TANGO6: variants seen among roughly 807,000 people sequenced by gnomAD.
TANGO6 encodes the protein transport and Golgi organization protein 6 homolog.
A neutral mutation model predicts 114.2 loss-of-function variants in TANGO6; 90 were observed. That is an observed-to-expected ratio of 0.79 (90% CI 0.66 to 0.94). The LOEUF (loss-of-function observed/expected upper bound fraction) is 0.94. Ranked by LOEUF, TANGO6 falls within the 40% of genes least tolerant of loss-of-function variation. TANGO6 has a pLI of 0.00. For synonymous variants in TANGO6, 477 were observed against 509.8 expected, an observed-to-expected ratio of 0.94 and a Z score of 0.87; for missense variants, 1,274 against 1,315.3, an observed-to-expected ratio of 0.97 and a Z score of 0.49.
intron 11 of TANGO6, among the ~76,000 whole-genome samples, chr16:68,912,906 T>A: frequency 1.6e-5 from 2 of 125,012 alleles, no homozygotes; most frequent in African/African-American, 3.2e-5. Context: ...CAAGACCCCA[T>A]CTCTCAAAAA....
At chr16:68,966,478 T>C (rs1259392784) in intron 14 of TANGO6, among the ~76,000 whole-genome samples, 1 of 151,756 alleles carries the variant, frequency 6.6e-6, no homozygotes, top group Non-Finnish European at 1.5e-5. Context: ...CACGCCAGCC[T>C]GGGCAACAAT....
Position 68,963,397 on chromosome 16 carries a change from G to T in TANGO6, c.2702-10631G>T, listed in dbSNP as rs190934076. Among the ~76,000 whole-genome samples the T allele has an allele frequency of 4.0e-3, 603 of 152,292 alleles. 4 individuals carry two copies. Among genetic ancestry groups the T allele is most frequent in the African/African-American group, 0.013 (540 of 41,574 alleles). On this transcript the variant is annotated intron_variant, in intron 14 of 17. Coordinates refer to ENST00000261778, the MANE Select transcript of TANGO6 (RefSeq NM_024562.2). ...CTCCCAAAGTGCTGGGATTACAGGTGTGAACCACCATGCCCAGCCCCTTGC... is the reference window on the plus strand; with the variant it reads ...CTCCCAAAGTGCTGGGATTACAGGTTTGAACCACCATGCCCAGCCCCTTGC...
At chr16:69,009,072 C>CTTTTTT (rs869092742) in intron 15 of TANGO6, among the ~76,000 whole-genome samples, 7 of 77,678 alleles carry the variant, frequency 9.0e-5, no homozygotes, top group Non-Finnish European at 1.3e-4. Context: ...GAGTTTATTT[C>CTTTTTT]TTTTTTTTTT....
At chr16:68,986,164 A>T (rs998687330) in intron 15 of TANGO6, among the ~76,000 whole-genome samples, 1 of 152,252 alleles carries the variant, frequency 6.6e-6, no homozygotes, top group Admixed American at 6.5e-5. Context: ...GACAAGTTCC[A>T]GTTTACTCTA....
At chr16:69,076,927 G>A (rs553003552) in intron 17 of TANGO6, among the ~76,000 whole-genome samples, 1 of 152,238 alleles carries the variant, frequency 6.6e-6, no homozygotes, top group African/African-American at 2.4e-5. Flanking sequence ...AACACAGGAG[G>A]CGGAGGTTGT....
chr16:68,893,311 G>A (rs1415936021), intron 7 of TANGO6, among the ~76,000 whole-genome samples: 2 of 152,166 alleles, frequency 1.3e-5, no homozygotes, highest in African/African-American at 2.4e-5. Context: ...CCACTGATTT[G>A]TGTTAAGTCA....
At chr16:68,878,377 TA>T in intron 6 of TANGO6, 97 bp downstream of exon 6, 5 of 1,370,722 alleles carry the variant, frequency 3.6e-6, no homozygotes, top group Non-Finnish European at 4.8e-6. Context: ...TCAGTCTCTT[TA>T]GTTTTCCTTC....
chr16:68,937,067 T>G (rs956938058), intron 14 of TANGO6: 15 of 152,232 alleles, frequency 9.9e-5, no homozygotes, highest in African/African-American at 2.9e-4. Flanking sequence ...TTACAAGTCT[T>G]AACTTGTCAG....
chr16:68,850,668 G>A (rs571311274), intron 1 of TANGO6, among the ~76,000 whole-genome samples: 2 of 152,062 alleles, frequency 1.3e-5, no homozygotes, highest in Non-Finnish European at 2.9e-5. Flanking sequence ...TGAGCTTTGC[G>A]GCCCATATGG....
At chr16:68,967,080 T>G (rs1016820975) in intron 14 of TANGO6, among the ~76,000 whole-genome samples, 1 of 152,190 alleles carries the variant, frequency 6.6e-6, no homozygotes. Flanking sequence ...CCTATCTGGC[T>G]AATTTTTTAA....
chr16:69,036,017 T>G (rs1015276255), intron 16 of TANGO6: 13 of 142,268 alleles, frequency 9.1e-5, no homozygotes, highest in Non-Finnish European at 1.5e-5. Flanking sequence ...TACTCCAGCC[T>G]GAGCTACAGA....
chr16:68,998,605 A>G (rs112933404), intron 15 of TANGO6, among the ~76,000 whole-genome samples: 1 of 151,520 alleles, frequency 6.6e-6, no homozygotes, highest in Non-Finnish European at 1.5e-5. Flanking sequence ...GTGGTGGACA[A>G]CTGTAGTCCC....
intron 17 of TANGO6, among the ~76,000 whole-genome samples, chr16:69,075,174 C>CT (rs59445014): frequency 2.9e-3 from 396 of 134,810 alleles, no homozygotes; most frequent in African/African-American, 3.3e-3. Flanking sequence ...CCAAAGTCTG[C>CT]TTTTTTTTTT....
At chr16:69,032,431 A>C (rs1159533654) in intron 16 of TANGO6, among the ~76,000 whole-genome samples, 2 of 151,658 alleles carry the variant, frequency 1.3e-5, no homozygotes, top group African/African-American at 4.8e-5. Context: ...ATGCCCAGCT[A>C]ATTTTTTTCT....
At chr16:68,882,368 G>A (rs953323043) in intron 7 of TANGO6, among the ~76,000 whole-genome samples, 4 of 151,918 alleles carry the variant, frequency 2.6e-5, no homozygotes, top group Admixed American at 6.6e-5. Flanking sequence ...GTGGTGGCAG[G>A]CACCTGTAGT....
At chr16:68,950,751 C>T (rs1281617450) in intron 14 of TANGO6, among the ~76,000 whole-genome samples, 1 of 151,290 alleles carries the variant, frequency 6.6e-6, no homozygotes, top group Non-Finnish European at 1.5e-5. Context: ...CCCAGCTGCT[C>T]AGGAGGCTGA....
intron 15 of TANGO6, among the ~76,000 whole-genome samples, chr16:68,991,625 A>G (rs910171678): frequency 6.6e-6 from 1 of 152,132 alleles, no homozygotes; most frequent in African/African-American, 2.4e-5. Context: ...CCTAGGCGAC[A>G]GAGTGAGATT....
chr16:68,918,644 T>C (rs1278360183), intron 11 of TANGO6, among the ~76,000 whole-genome samples: 1 of 152,252 alleles, frequency 6.6e-6, no homozygotes, highest in Admixed American at 6.5e-5. Context: ...ATTAAGTGTA[T>C]GGCCTTAAAC....
intron 12 of TANGO6, among the ~76,000 whole-genome samples, chr16:68,925,274 C>G (rs1963152326): frequency 6.6e-6 from 1 of 152,170 alleles, no homozygotes; most frequent in African/African-American, 2.4e-5. Context: ...TGTGCCATTG[C>G]ACTCCAGCCT....
Sources: gnomAD v4.1 joint callset for allele counts (sites outside exome capture counted in the v4.1 genomes callset) on GRCh38, gnomAD v4.1.1 for gene constraint, MANE v1.5 for transcripts, NCBI Gene and HGNC (gene_info 2026-07-23, HGNC 2026-07-21) for gene names.